PDLIM2: variants seen among roughly 807,000 people sequenced by gnomAD.
PDLIM2 encodes PDZ and LIM domain 2, also known as PDZ and LIM domain protein 2.
A neutral mutation model predicts 54.1 loss-of-function variants in PDLIM2; 51 were observed. The observed-to-expected ratio is 0.94, with a 90% CI of 0.75 to 1.19. The LOEUF (loss-of-function observed/expected upper bound fraction) is 1.19, where lower values mean the gene tolerates loss of function less well. Ranked by LOEUF, PDLIM2 falls within the 50% of genes most tolerant of loss-of-function variation. The probability of loss-of-function intolerance (pLI) is 0.00; values close to 1 mark genes in which losing one functional copy is unlikely to be tolerated. For missense variants in PDLIM2, 912 were observed against 874.0 expected, an observed-to-expected ratio of 1.04 and a Z score of -0.55; for synonymous variants, 398 against 385.6, an observed-to-expected ratio of 1.03 and a Z score of -0.38.
intron 6 of PDLIM2, among the ~76,000 whole-genome samples, chr8:22,586,410 AGC>A (rs1800383667): frequency 6.6e-6 from 1 of 152,210 alleles, no homozygotes; most frequent in Non-Finnish European, 1.5e-5. Flanking sequence ...TTAGGCACTA[AGC>A]AGTGTGGTAT....
downstream of PDLIM2, chr8:22,594,905 G>A: frequency 2.5e-6 from 1 of 405,636 alleles, no homozygotes; most frequent in Non-Finnish European, 4.4e-6. Context: ...CAGCCTGGGA[G>A]AGAGAGAGGA....
Position 22,585,427 on chromosome 8 carries a change from G to A in PDLIM2, c.1290+28G>A, listed in dbSNP as rs202112251. 8 of 1,582,624 alleles carry A rather than the reference G, an allele frequency of 5.1e-6. No homozygotes were observed. In the East Asian group the frequency reaches 1.8e-4, roughly 37 times the overall value. ...GAGGCTCCCTGGGGGAGGACAGGCT[G>A]GAGGAACAGAAGCACCTCCCGTTCC... On this transcript the variant is annotated intron_variant, in intron 6 of 9. Coordinates refer to ENST00000308354, the Ensembl canonical transcript of PDLIM2.
downstream of PDLIM2, chr8:22,597,006 G>A (rs191720494): frequency 4.0e-5 from 6 of 150,650 alleles, no homozygotes; most frequent in African/African-American, 1.5e-4. Flanking sequence ...CACAGCTCTG[G>A]TCACCTCTGG....
At chr8:22,583,145 A>G (rs73672762) in intron 3 of PDLIM2, among the ~76,000 whole-genome samples, 8,280 of 152,128 alleles carry the variant, frequency 0.054, 320 homozygotes, top group Middle Eastern at 0.11. Context: ...CCCTCAGCCC[A>G]GACTTCAGTT....
intron 6 of PDLIM2, among the ~76,000 whole-genome samples, chr8:22,587,137 C>T (rs1563868325): frequency 6.6e-6 from 1 of 152,182 alleles, no homozygotes; most frequent in Non-Finnish European, 1.5e-5. Flanking sequence ...CGTGGAAAAA[C>T]AGAGTGACAC....
chr8:22,586,985 C>G lies in PDLIM2; in HGVS notation c.1290+1586C>G, dbSNP rs145090707. Among the ~76,000 whole-genome samples, 304 of 152,314 alleles carry G rather than the reference C, an allele frequency of 2.0e-3. 1 individual carries two copies. Among genetic ancestry groups the G allele is most frequent in the Middle Eastern group, 0.01 (3 of 294 alleles). On this transcript the variant is annotated intron_variant, in intron 6 of 9. Transcript: ENST00000308354. ...CTGCCTGACGACTTGGACCAGCCCC[C>G]CTTCCTCTCCCTGGGCCTCAGGTCA...
At chr8:22,586,468 G>T (rs1800385052) in intron 6 of PDLIM2, among the ~76,000 whole-genome samples, 1 of 152,192 alleles carries the variant, frequency 6.6e-6, no homozygotes, top group Non-Finnish European at 1.5e-5. Context: ...GGGAAGGAAG[G>T]CTGTGTGAGG....
downstream of PDLIM2, chr8:22,596,630 A>T (rs538573828): frequency 2.6e-5 from 4 of 152,302 alleles, no homozygotes; most frequent in East Asian, 5.8e-4. Context: ...CACTGAGGAG[A>T]TTAACTGAAG....
chr8:22,579,269 G>A, exon 1 of PDLIM2: 4 of 1,361,080 alleles, frequency 2.9e-6, no homozygotes, highest in Non-Finnish European at 2.8e-6. Flanking sequence ...CGCCCTCCCC[G>A]GCGCCGGGCT....
At position 22,585,305 on chromosome 8, in the gene PDLIM2, C is replaced by A. The variant is rs372951402; in HGVS notation, c.1212-16C>A. The A allele has an allele frequency of 4.7e-5, 75 of 1,612,860 alleles. No homozygotes were observed. In the African/African-American group the frequency reaches 7.9e-4, roughly 17 times the overall value. ...GGGGGTGGCCCTGGCACACACTGTC[C>A]CTTTCCCACTTTCAGCTTCCAGAGT... On this transcript the variant is annotated splice_polypyrimidine_tract_variant and intron_variant, in intron 5 of 9. Coordinates refer to ENST00000308354, the Ensembl canonical transcript of PDLIM2.
intron 6 of PDLIM2, chr8:22,588,534 G>T (rs975066064): frequency 3.9e-5 from 6 of 152,382 alleles, no homozygotes; most frequent in African/African-American, 1.2e-4. Context: ...GGGAGCAGGG[G>T]AGTGGGGAGT....
intron 9 of PDLIM2, 62 bp from the exon 9 acceptor site, chr8:22,593,671 G>A (rs982780116): frequency 1.4e-6 from 2 of 1,463,226 alleles, no homozygotes; most frequent in Non-Finnish European, 1.8e-6. Context: ...CAGGCCCCCT[G>A]GGCATGGTGG....
At chr8:22,589,277 C>A in intron 6 of PDLIM2, 21 bp from the exon 6 acceptor site, 1 of 1,533,548 alleles carries the variant, frequency 6.5e-7, no homozygotes, top group South Asian at 1.2e-5. Context: ...TGACTCCTCC[C>A]CGGCTGCCTC....
At chr8:22,589,611 G>A in exon 8 of PDLIM2, 2 of 1,602,848 alleles carry the variant, frequency 1.2e-6, no homozygotes, top group Non-Finnish European at 8.5e-7. Flanking sequence ...ACTCGGAAGG[G>A]GGAAGCCTCC....
intron 9 of PDLIM2, chr8:22,592,108 G>A (rs1397291650): frequency 1.8e-4 from 19 of 105,664 alleles, no homozygotes; most frequent in African/African-American, 7.9e-4. Flanking sequence ...TTGAGACGGA[G>A]TCTCATTCTG....
chr8:22,595,089 AG>A (rs372505725), downstream of PDLIM2: 328 of 156,910 alleles, frequency 2.1e-3, 4 homozygotes, highest in South Asian at 0.012. Flanking sequence ...GATGCTGCGG[AG>A]GGGGCAGCCT....
rs573465078 is a variant in PDLIM2, at chr8:22,580,620, G to C, written c.766G>C (p.Asp256His). ...TTCCTCAGGTATGGCGTTGACGGTG[G>C]ATGTGGCCGGGCCAGCGCCCTGGGG... The change falls in exon 2 of 10, where the codon GAT (aspartate) becomes CAT (histidine). Residue 256 changes from aspartate (D) to histidine (H), a missense_variant. Coordinates refer to ENST00000308354, the Ensembl canonical transcript of PDLIM2. 7.6e-5 allele frequency: 123 copies of C among 1,614,082 alleles called. 2 individuals are homozygous for C. The South Asian group carries it at 1.4e-3, about 18-fold the overall frequency.
exon 4 of PDLIM2, chr8:22,584,876 G>T (rs183283253): frequency 6.2e-6 from 10 of 1,614,130 alleles, no homozygotes; most frequent in African/African-American, 2.7e-5. Flanking sequence ...GGAAGTGCTG[G>T]CGACTCGCTT....
At chr8:22,595,446 C>G (rs901504415), downstream of PDLIM2, 1 of 152,246 alleles carries the variant, frequency 6.6e-6, no homozygotes, top group African/African-American at 2.4e-5. Flanking sequence ...CAACACTGGG[C>G]TTCTGGGCAC....
Sources: allele counts gnomAD v4.1 joint callset (sites outside exome capture counted in the v4.1 genomes callset), GRCh38; gene constraint gnomAD v4.1.1; transcripts MANE v1.5; gene names NCBI Gene and HGNC (gene_info 2026-07-23, HGNC 2026-07-21).